The following GLB1L2 variants were observed in gnomAD, a reference collection of about 807,000 sequenced individuals.
GLB1L2 encodes beta-galactosidase-1-like protein 2.
Under a neutral mutation model 84.1 loss-of-function variants are expected in GLB1L2, and 68 were observed. The ratio of observed to expected loss-of-function variants is 0.81; its 90% CI spans 0.67 to 0.99. The LOEUF is 0.99. Ranked by LOEUF, GLB1L2 falls within the 50% of genes least tolerant of loss-of-function variation. The probability of loss-of-function intolerance (pLI) is 0.00; values close to 1 mark genes in which losing one functional copy is unlikely to be tolerated. For missense variants in GLB1L2, 762 were observed against 805.6 expected (o/e 0.95, Z 0.66); for synonymous variants, 290 against 318.0 (o/e 0.91, Z 0.94).
Position 134,371,412 on chromosome 11 carries a change from C to T in GLB1L2, c.1357-9C>T, listed in dbSNP as rs1943950263. ...GGTCATGGATGTTCCTGCCTGTTCC[C>T]TTTGGCAGGTGTTTGTGAACACAGT... is the stretch of plus-strand genomic sequence containing the variant. On this transcript the variant is annotated splice_polypyrimidine_tract_variant and intron_variant, in intron 13 of 18. Transcript: ENST00000535456. 6.5e-7 allele frequency: 1 copy of T among 1,547,662 alleles called. No individual in the cohort carries two copies. Among genetic ancestry groups the T allele is most frequent in the Non-Finnish European group, 8.9e-7 (1 of 1,119,322 alleles).
chr11:134,368,684 C>T lies in GLB1L2; in HGVS notation c.930C>T (p.Ser310=). The change falls in exon 10 of 19, where the codon TCC becomes TCT. Residue 310 remains serine, a synonymous_variant. Coordinates refer to ENST00000535456, the MANE Select transcript of GLB1L2 (RefSeq NM_001370461.1). ...TGTCTGCCATTGTGGACGCCGGCTC[C>T]TCCATCAACCTCTACATGTTCCACG... The part of the protein sequence containing the change: ...KTVSAIVDAG[S]SINLYMFHGG... 6.2e-7 allele frequency: 1 copy of T among 1,613,982 alleles called. No homozygotes were observed. The highest frequency in any genetic ancestry group is 8.5e-7 in the Non-Finnish European group (1 of 1,180,022).
rs1273503144 is a variant in GLB1L2 at position 134,356,314 on chromosome 11, G to A, written c.572G>A (p.Gly191Glu). 4 of 1,613,774 alleles carry A rather than the reference G, an allele frequency of 2.5e-6. No individual in the cohort carries two copies. Among genetic ancestry groups the A allele is most frequent in the Non-Finnish European group, 3.4e-6 (4 of 1,179,790 alleles). Residue 191 changes from glycine (G) to glutamate (E), a missense_variant, in exon 6 of 19, where the codon GGA (glycine) becomes GAA (glutamate). Transcript: ENST00000535456. ...TTTTCTCCGCAGTACAAGCGTGGGG[G>A]ACCTATCATTGCCGTGCAGGTGGAG... ...RVVPLQYKRG[G>E]PIIAVQVENE... is the part of the protein sequence containing the mutation.
Position 134,365,865 on chromosome 11 carries a change from C to T in GLB1L2, c.805-1392C>T, listed in dbSNP as rs564757634. Among the ~76,000 whole-genome samples, 52 of 152,326 alleles carry T rather than the reference C, an allele frequency of 3.4e-4. No homozygotes were observed. In the South Asian group the frequency reaches 0.011, roughly 32 times the overall value. ...TGGCGATGTCCGATAGCACCTCACTCGTCCTCTGTGTCCATGACCCGTGAT... is the reference window on the plus strand; with the variant it reads ...TGGCGATGTCCGATAGCACCTCACTTGTCCTCTGTGTCCATGACCCGTGAT... On this transcript the variant is annotated intron_variant, in intron 8 of 18. Transcript: ENST00000535456.
At chr11:134,362,712 C>T (rs1943812815) in intron 7 of GLB1L2, among the ~76,000 whole-genome samples, 2 of 152,356 alleles carry the variant, frequency 1.3e-5, no homozygotes, top group South Asian at 2.1e-4. Context: ...CACACACGCC[C>T]ACTCCCGCAG....
intron 15 of GLB1L2, among the ~76,000 whole-genome samples, chr11:134,372,957 T>C (rs1943976933): frequency 6.6e-6 from 1 of 152,212 alleles, no homozygotes; most frequent in Non-Finnish European, 1.5e-5. Flanking sequence ...TTCCTAACTT[T>C]GCTTCCCTGA....
chr11:134,360,524 T>A (rs578169230), intron 7 of GLB1L2: 1 of 152,242 alleles, frequency 6.6e-6, no homozygotes, highest in East Asian at 1.9e-4. Context: ...CTGGAGCACG[T>A]TTTAGCGCTT....
At chr11:134,335,340 T>C (rs1943367863) in intron 1 of GLB1L2, among the ~76,000 whole-genome samples, 1 of 152,118 alleles carries the variant, frequency 6.6e-6, no homozygotes, top group South Asian at 2.1e-4. Flanking sequence ...GGGCCTTGCC[T>C]ATTCTAGGAC....
chr11:134,340,564 G>A (rs1410061504), intron 1 of GLB1L2, among the ~76,000 whole-genome samples: 3 of 152,214 alleles, frequency 2.0e-5, no homozygotes, highest in African/African-American at 2.4e-5. Context: ...CAAAGCGCCT[G>A]GTGAGCAGAG....
intron 8 of GLB1L2, among the ~76,000 whole-genome samples, chr11:134,366,348 T>C (rs1943867264): frequency 6.6e-6 from 1 of 152,170 alleles, no homozygotes; most frequent in Admixed American, 6.5e-5. Flanking sequence ...AACCCGGGTA[T>C]GGCTGGTACC....
intron 7 of GLB1L2, chr11:134,359,452 C>T: frequency 4.2e-6 from 1 of 235,312 alleles, no homozygotes; most frequent in South Asian, 1.5e-4. Context: ...CCGTTCTTCC[C>T]AGCTGCATGG....
chr11:134,367,032 C>T, intron 8 of GLB1L2: 1 of 577,130 alleles, frequency 1.7e-6, no homozygotes, highest in Non-Finnish European at 3.1e-6. Context: ...ACTTTGGGAG[C>T]TTTATCTGCT....
chr11:134,336,913 G>A (rs536840603), intron 1 of GLB1L2, among the ~76,000 whole-genome samples: 1 of 152,300 alleles, frequency 6.6e-6, no homozygotes, highest in African/African-American at 2.4e-5. Flanking sequence ...TCCTTTTCCT[G>A]TTTATGATGC....
chr11:134,356,526 CTGT>C, intron 6 of GLB1L2, 133 bp downstream of exon 6: 2 of 633,044 alleles, frequency 3.2e-6, no homozygotes, highest in East Asian at 2.7e-5. Flanking sequence ...TGAATTTTCT[CTGT>C]TGTTTTATTT....
At chr11:134,367,940 T>C (rs1433103129) in intron 9 of GLB1L2, among the ~76,000 whole-genome samples, 1 of 152,208 alleles carries the variant, frequency 6.6e-6, no homozygotes, top group Non-Finnish European at 1.5e-5. Context: ...TCCCGGAGCC[T>C]GCGCTCTGCG....
chr11:134,373,733 A>C lies in GLB1L2; in HGVS notation c.1520A>C (p.Asn507Thr). ...IDDQRKGLIGNLYLNDSPLKN... is the reference protein window; with the variant it reads ...IDDQRKGLIGTLYLNDSPLKN... ...CTCCCTCCCACAGGCTTAATTGGAA[A>C]TCTCTATCTGAATGATTCACCCCTG... is the stretch of plus-strand genomic sequence containing the variant. The change falls in exon 16 of 19, where the codon AAT (asparagine) becomes ACT (threonine). Residue 507 changes from asparagine to threonine, a missense_variant. Asn to Thr is a moderately conservative substitution (Grantham distance 65, BLOSUM62 0). This residue lies in a region of GLB1L2 where 603 missense variants were observed against 611.7 expected (regional missense o/e 0.99). Coordinates refer to ENST00000535456, the MANE Select transcript of GLB1L2 (RefSeq NM_001370461.1). 1 of 1,611,350 alleles carries C rather than the reference A, an allele frequency of 6.2e-7. No individual in the cohort carries two copies. Among genetic ancestry groups the C allele is most frequent in the East Asian group, 2.2e-5 (1 of 44,852 alleles).
At chr11:134,363,056 A>C (rs1388426552) in intron 7 of GLB1L2, among the ~76,000 whole-genome samples, 1 of 152,076 alleles carries the variant, frequency 6.6e-6, no homozygotes, top group Non-Finnish European at 1.5e-5. Context: ...GCTTGTGTTC[A>C]CTTAGCCCTG....
At chr11:134,366,115 T>C (rs1339461579) in intron 8 of GLB1L2, among the ~76,000 whole-genome samples, 1 of 152,216 alleles carries the variant, frequency 6.6e-6, no homozygotes, top group Non-Finnish European at 1.5e-5. Flanking sequence ...TGCAGTGGCC[T>C]GGCCCATGGG....
At chr11:134,372,155 A>G (rs1429578339) in intron 15 of GLB1L2, among the ~76,000 whole-genome samples, 1 of 152,190 alleles carries the variant, frequency 6.6e-6, no homozygotes, top group Non-Finnish European at 1.5e-5. Flanking sequence ...GGAGCAATGA[A>G]TGTGATTTCC....
chr11:134,338,806 G>A lies in GLB1L2; in HGVS notation c.87-3948G>A, dbSNP rs895236294. ...CTGTAGAGGTCTTGTTAGGTTGTGC[G>A]CGGCCCCATCAGAAGTCCTGATGTG... On this transcript the variant is annotated intron_variant, in intron 1 of 18. Transcript: ENST00000535456. The surrounding 1 kb of genome is among the most constrained non-coding windows in gnomAD (Gnocchi z 6.2). Among the ~76,000 whole-genome samples, 3 of 152,138 alleles carry A rather than the reference G, an allele frequency of 2.0e-5. No individual in the cohort carries two copies. The highest frequency in any genetic ancestry group is 1.3e-4 in the Admixed American group (2 of 15,276).
Sources: allele counts gnomAD v4.1 joint callset (sites outside exome capture counted in the v4.1 genomes callset), GRCh38; gene constraint gnomAD v4.1.1; regional missense constraint gnomAD v4.1.1; non-coding constraint Gnocchi (gnomAD v3.1); transcripts MANE v1.5; gene names NCBI Gene and HGNC (gene_info 2026-07-23, HGNC 2026-07-21).